The following AGBL4 variants were observed in gnomAD, a reference collection of about 807,000 sequenced individuals.
AGBL4 encodes cytosolic carboxypeptidase 6.
Under a neutral mutation model 66.4 loss-of-function variants are expected in AGBL4, and 58 were observed. The observed-to-expected ratio is 0.87, with a 90% confidence interval of 0.71 to 1.09. The LOEUF is 1.09. AGBL4 is among the 50% of genes least tolerant of loss of function. The pLI, the probability that AGBL4 is intolerant of heterozygous loss-of-function variation, is 0.00. For missense variants in AGBL4, 579 were observed against 631.0 expected (o/e 0.92, Z 0.88); for synonymous variants, 234 against 222.9 (o/e 1.05, Z -0.44).
intron 1 of AGBL4, among the ~76,000 whole-genome samples, chr1:49,931,167 T>C (rs577826679): frequency 1.3e-5 from 2 of 152,234 alleles, no homozygotes; most frequent in African/African-American, 4.8e-5. Context: ...TGTATAAATA[T>C]GAAATACTTA....
intron 5 of AGBL4, among the ~76,000 whole-genome samples, chr1:48,946,953 A>C (rs1399647103): frequency 6.6e-6 from 1 of 152,220 alleles, no homozygotes; most frequent in African/African-American, 2.4e-5. Context: ...AGGTACCTGG[A>C]AAGGCTCTGC....
At chr1:49,273,911 T>G (rs1012373016) in intron 3 of AGBL4, among the ~76,000 whole-genome samples, 3 of 152,236 alleles carry the variant, frequency 2.0e-5, no homozygotes, top group African/African-American at 7.2e-5. Context: ...CTCTATCTTC[T>G]GACCTCATGA....
At chr1:49,569,056 G>T (rs1037416224) in intron 3 of AGBL4, among the ~76,000 whole-genome samples, 8 of 152,204 alleles carry the variant, frequency 5.3e-5, no homozygotes, top group African/African-American at 1.7e-4. Flanking sequence ...CCATGAAAGA[G>T]AATGAAATCT....
intron 3 of AGBL4, among the ~76,000 whole-genome samples, chr1:49,556,929 G>A (rs1337884815): frequency 6.6e-6 from 1 of 152,114 alleles, no homozygotes; most frequent in African/African-American, 2.4e-5. Flanking sequence ...CGCACCCTCC[G>A]CAGATGCTGG....
At chr1:49,560,776 A>G (rs1007227034) in intron 3 of AGBL4, among the ~76,000 whole-genome samples, 2 of 93,778 alleles carry the variant, frequency 2.1e-5, no homozygotes, top group African/African-American at 3.4e-5. Context: ...TTCAATGGAA[A>G]CCTTACAAAC....
intron 11 of AGBL4, among the ~76,000 whole-genome samples, chr1:48,552,286 A>G (rs905354943): frequency 1.3e-5 from 2 of 151,928 alleles, no homozygotes; most frequent in Non-Finnish European, 2.9e-5. Context: ...CTTGTCTCGA[A>G]CTCCTGACCT....
intron 3 of AGBL4, among the ~76,000 whole-genome samples, chr1:49,339,483 G>T (rs907673296): frequency 1.2e-4 from 19 of 152,162 alleles, no homozygotes; most frequent in African/African-American, 4.6e-4. Context: ...TCTGGGCCCT[G>T]TGGCAGAAAA....
chr1:48,605,522 C>T (rs973020799), intron 9 of AGBL4, among the ~76,000 whole-genome samples: 13 of 152,234 alleles, frequency 8.5e-5, no homozygotes, highest in Admixed American at 5.9e-4. Context: ...TCCTTCTTCA[C>T]GTCTATTGTC....
At chr1:48,549,458 G>C (rs979939716) in intron 11 of AGBL4, among the ~76,000 whole-genome samples, 1 of 152,112 alleles carries the variant, frequency 6.6e-6, no homozygotes, top group African/African-American at 2.4e-5. Flanking sequence ...AAAGAGAGGA[G>C]AGGGAGAAGG....
chr1:50,019,487 T>C (rs1662282889), intron 1 of AGBL4, among the ~76,000 whole-genome samples: 1 of 152,016 alleles, frequency 6.6e-6, no homozygotes, highest in Non-Finnish European at 1.5e-5. Flanking sequence ...GGCTTAACTA[T>C]TACTTTGTCC....
chr1:49,669,976 G>C (rs1429016260), intron 3 of AGBL4, among the ~76,000 whole-genome samples: 1 of 152,072 alleles, frequency 6.6e-6, no homozygotes, highest in Non-Finnish European at 1.5e-5. Context: ...ATGGGTACCT[G>C]TGCTGCTAGC....
intron 4 of AGBL4, among the ~76,000 whole-genome samples, chr1:49,142,871 G>T (rs753763904): frequency 2.6e-5 from 4 of 151,600 alleles, no homozygotes; most frequent in Non-Finnish European, 4.4e-5. Flanking sequence ...TTGTACAATG[G>T]GCAAGTCAGA....
intron 6 of AGBL4, among the ~76,000 whole-genome samples, chr1:48,795,172 A>G (rs1220309898): frequency 1.3e-5 from 2 of 152,120 alleles, no homozygotes; most frequent in Non-Finnish European, 2.9e-5. Flanking sequence ...CATTCCCTAA[A>G]CCAGAATGAT....
chr1:49,491,610 A>C (rs1034073991), intron 3 of AGBL4, among the ~76,000 whole-genome samples: 1 of 151,930 alleles, frequency 6.6e-6, no homozygotes. Context: ...ACTAGATGGA[A>C]GCCAAAGTTT....
intron 3 of AGBL4, among the ~76,000 whole-genome samples, chr1:49,665,416 G>GT (rs1321146513): frequency 2.6e-5 from 4 of 152,072 alleles, no homozygotes; most frequent in African/African-American, 9.7e-5. Flanking sequence ...TTTCTCCTCT[G>GT]TAAGACTGAG....
At chr1:48,947,191 G>A (rs564835044) in intron 5 of AGBL4, among the ~76,000 whole-genome samples, 1 of 152,160 alleles carries the variant, frequency 6.6e-6, no homozygotes, top group Non-Finnish European at 1.5e-5. Flanking sequence ...GATGCTCCAG[G>A]TTAGGTTAGG....
intron 8 of AGBL4, among the ~76,000 whole-genome samples, chr1:48,635,870 G>A (rs1645660435): frequency 6.6e-6 from 1 of 152,174 alleles, no homozygotes; most frequent in Non-Finnish European, 1.5e-5. Flanking sequence ...GTTACCTCCT[G>A]ACCTTGAACT....
chr1:48,986,641 C>CT (rs1660198506), intron 5 of AGBL4, among the ~76,000 whole-genome samples: 1 of 151,962 alleles, frequency 6.6e-6, no homozygotes, highest in Non-Finnish European at 1.5e-5. Context: ...GACCCACACT[C>CT]TAAGAAGCAT....
intron 3 of AGBL4, among the ~76,000 whole-genome samples, chr1:49,318,014 C>A (rs1018177518): frequency 8.6e-5 from 13 of 151,960 alleles, no homozygotes; most frequent in Non-Finnish European, 1.9e-4. Flanking sequence ...TCCTCAGTGC[C>A]ATTGGGCAAA....
Sources: gnomAD v4.1 joint callset for allele counts (sites outside exome capture counted in the v4.1 genomes callset) on GRCh38, gnomAD v4.1.1 for gene constraint, MANE v1.5 for transcripts, NCBI Gene and HGNC (gene_info 2026-07-23, HGNC 2026-07-21) for gene names.